RAD51B: variants seen among roughly 807,000 people sequenced by gnomAD.
RAD51B encodes DNA repair protein RAD51 homolog 2.
RAD51B carries 38 observed loss-of-function variants against 42.2 expected under a neutral mutation model. The observed-to-expected ratio is 0.90, with a 90% CI of 0.70 to 1.18. The LOEUF (loss-of-function observed/expected upper bound fraction) is 1.18. Ranked by LOEUF, RAD51B falls within the 50% of genes most tolerant of loss-of-function variation. The pLI, the probability that RAD51B is intolerant of heterozygous loss-of-function variation, is 0.00. For synonymous variants in RAD51B, 154 were observed against 145.2 expected, an observed-to-expected ratio of 1.06 and a Z score of -0.43; for missense variants, 373 against 400.7, an observed-to-expected ratio of 0.93 and a Z score of 0.59.
chr14:68,210,775 G>C (rs1298340), intron 7 of RAD51B, among the ~76,000 whole-genome samples: 23,926 of 152,112 alleles, frequency 0.16, 2,004 homozygotes, highest in Middle Eastern at 0.35. Flanking sequence ...ATGCGCTTGT[G>C]ATCAGTATCA....
At chr14:68,284,362 T>G (rs922585768) in intron 7 of RAD51B, among the ~76,000 whole-genome samples, 1 of 152,188 alleles carries the variant, frequency 6.6e-6, no homozygotes, top group Admixed American at 6.5e-5. Context: ...GTGGGTGAAA[T>G]ATATGAAACA....
chr14:68,434,008 C>T (rs1269493734), intron 9 of RAD51B, among the ~76,000 whole-genome samples: 2 of 152,232 alleles, frequency 1.3e-5, no homozygotes, highest in African/African-American at 4.8e-5. Context: ...TGGATGTCCA[C>T]TCCAGACCCT....
At chr14:68,558,119 C>T (rs572433408) in intron 10 of RAD51B, among the ~76,000 whole-genome samples, 2 of 152,342 alleles carry the variant, frequency 1.3e-5, no homozygotes, top group African/African-American at 4.8e-5. Flanking sequence ...GGTGATCAAG[C>T]TTGGGCTTAG....
chr14:68,423,535 G>A (rs901022228), intron 9 of RAD51B, among the ~76,000 whole-genome samples: 1 of 152,094 alleles, frequency 6.6e-6, no homozygotes, highest in Non-Finnish European at 1.5e-5. Context: ...AAATCACATG[G>A]TTCTAAGGGG....
At chr14:68,112,740 C>T (rs1196234391) in intron 7 of RAD51B, among the ~76,000 whole-genome samples, 1 of 152,038 alleles carries the variant, frequency 6.6e-6, no homozygotes, top group African/African-American at 2.4e-5. Context: ...AGAAGATAGT[C>T]TTCTTTGGTC....
chr14:68,650,901 C>T (rs1331792784), intron 11 of RAD51B: 1 of 716,872 alleles, frequency 1.4e-6, no homozygotes, highest in Non-Finnish European at 2.6e-6. Context: ...GAAAAGTAAC[C>T]ACTACCACAG....
chr14:68,146,393 C>T (rs1476297069), intron 7 of RAD51B, among the ~76,000 whole-genome samples: 1 of 152,088 alleles, frequency 6.6e-6, no homozygotes, highest in African/African-American at 2.4e-5. Context: ...CCACTGCACT[C>T]CAGCCTGGGC....
chr14:68,662,049 C>A (rs1026447976), intron 11 of RAD51B, among the ~76,000 whole-genome samples: 2 of 152,320 alleles, frequency 1.3e-5, no homozygotes, highest in East Asian at 1.9e-4. Context: ...TCAGCAAATG[C>A]GATCCATTGC....
chr14:68,457,226 G>A (rs770402785), intron 9 of RAD51B, among the ~76,000 whole-genome samples: 5 of 151,360 alleles, frequency 3.3e-5, no homozygotes, highest in Non-Finnish European at 7.4e-5. Flanking sequence ...GGATGAAATC[G>A]ATAATCAGTA....
chr14:68,518,026 A>G (rs1223653052), intron 10 of RAD51B, among the ~76,000 whole-genome samples: 1 of 151,978 alleles, frequency 6.6e-6, no homozygotes, highest in South Asian at 2.1e-4. Context: ...GGTGCCCTCA[A>G]CTCCAGTCTA....
intron 3 of RAD51B, among the ~76,000 whole-genome samples, chr14:67,832,381 G>C (rs1033401698): frequency 6.6e-6 from 1 of 152,182 alleles, no homozygotes; most frequent in Non-Finnish European, 1.5e-5. Context: ...AAAAATGACC[G>C]TTATAAAGGT....
At chr14:68,249,719 A>C (rs1178216912) in intron 7 of RAD51B, among the ~76,000 whole-genome samples, 1 of 152,230 alleles carries the variant, frequency 6.6e-6, no homozygotes, top group East Asian at 1.9e-4. Context: ...TTTTGCACAC[A>C]CAGCCCTGGT....
intron 9 of RAD51B, among the ~76,000 whole-genome samples, chr14:68,447,065 C>T (rs958332776): frequency 6.6e-6 from 1 of 152,026 alleles, no homozygotes; most frequent in African/African-American, 2.4e-5. Context: ...ACTAAAAATA[C>T]AAAATTAGCC....
intron 7 of RAD51B, among the ~76,000 whole-genome samples, chr14:68,205,016 A>G (rs1312341004): frequency 6.6e-6 from 1 of 152,210 alleles, no homozygotes; most frequent in African/African-American, 2.4e-5. Flanking sequence ...CAATAAAAAA[A>G]TCAGACAGGA....
intron 5 of RAD51B, among the ~76,000 whole-genome samples, chr14:67,870,433 A>T (rs1052068441): frequency 1.3e-4 from 19 of 148,080 alleles, no homozygotes; most frequent in African/African-American, 4.8e-4. Flanking sequence ...CAGATTCATA[A>T]TGCAAGTCCT....
At chr14:68,655,130 A>T (rs999393514) in intron 11 of RAD51B, among the ~76,000 whole-genome samples, 12 of 150,258 alleles carry the variant, frequency 8.0e-5, no homozygotes, top group Non-Finnish European at 1.5e-4. Context: ...GCAAATGGTG[A>T]GTGTGTGTGT....
chr14:68,505,119 C>T (rs1417628414), intron 10 of RAD51B, among the ~76,000 whole-genome samples: 2 of 152,202 alleles, frequency 1.3e-5, no homozygotes, highest in Non-Finnish European at 2.9e-5. Context: ...ATTGTGATAA[C>T]AGTTTTCAAC....
chr14:67,976,232 T>G (rs986100376), intron 7 of RAD51B, among the ~76,000 whole-genome samples: 7 of 152,000 alleles, frequency 4.6e-5, no homozygotes, highest in Admixed American at 2.0e-4. Context: ...TCTTCGTGCC[T>G]CAGCCTCCTG....
At chr14:68,608,430 A>G (rs1891542321) in intron 10 of RAD51B, among the ~76,000 whole-genome samples, 1 of 152,154 alleles carries the variant, frequency 6.6e-6, no homozygotes, top group Admixed American at 6.5e-5. Context: ...GCTCGGCTTC[A>G]GAGGGGCCTT....
Sources: gnomAD v4.1 joint callset for allele counts (sites outside exome capture counted in the v4.1 genomes callset) on GRCh38, gnomAD v4.1.1 for gene constraint, MANE v1.5 for transcripts, NCBI Gene and HGNC (gene_info 2026-07-23, HGNC 2026-07-21) for gene names.